KCNQ2: variants seen among roughly 807,000 people sequenced by gnomAD.
KCNQ2 encodes the protein potassium voltage-gated channel subfamily Q member 2, also known as potassium voltage-gated channel subfamily KQT member 2.
KCNQ2 carries 14 observed loss-of-function variants against 84.8 expected under a neutral mutation model. That is an observed-to-expected ratio of 0.17 (90% CI 0.11 to 0.26). The LOEUF is 0.26. Among genes scored for constraint, KCNQ2 ranks in the 10% least tolerant of loss-of-function variants. KCNQ2 has a pLI of 1.00. For synonymous variants in KCNQ2, 599 were observed against 554.1 expected (o/e 1.08, Z -1.14); for missense variants, 788 against 1,254.0 (o/e 0.63, Z 5.61).
rs1168170369 is a variant in KCNQ2 at position 63,402,018 on chromosome 20, A to G, written c.*4626T>C. 1 of 147,538 alleles carries G rather than the reference A, an allele frequency of 6.8e-6. No individual in the cohort carries two copies. Among genetic ancestry groups the G allele is most frequent in the Non-Finnish European group, 1.4e-5 (1 of 73,930 alleles). 9.1% of individuals were successfully genotyped at this position (147,538 alleles called of 1,614,324 possible). A position where few individuals can be genotyped will look rare whatever the true frequency, so the allele number is the denominator to read the frequency against. On this transcript the variant is annotated 3_prime_UTR_variant, in exon 17 of 17. Coordinates refer to ENST00000359125, the MANE Select transcript of KCNQ2 (RefSeq NM_172107.4). ...CCACCACATCTGCCGGGCACCCTCCATGGCAGGTCCAAGCCCTGTGAACCA... is the reference window on the plus strand; with the variant it reads ...CCACCACATCTGCCGGGCACCCTCCGTGGCAGGTCCAAGCCCTGTGAACCA...
At chr20:63,467,349 G>A (rs2082107547) in intron 1 of KCNQ2, among the ~76,000 whole-genome samples, 1 of 152,198 alleles carries the variant, frequency 6.6e-6, no homozygotes, top group African/African-American at 2.4e-5. Context: ...TTCAGGCCCA[G>A]CTCCTCTACG....
In KCNQ2 at chr20:63,407,586, A is replaced by T. The variant is rs1427257858; in HGVS notation, c.1888-211T>A. Among the ~76,000 whole-genome samples the T allele has an allele frequency of 2.0e-5, 3 of 150,242 alleles. No homozygotes were observed. Among genetic ancestry groups the T allele is most frequent in the Non-Finnish European group, 3.0e-5 (2 of 67,502 alleles). On this transcript the variant is annotated intron_variant, in intron 16 of 16. Transcript: ENST00000359125. The surrounding 1 kb of genome is among the most constrained non-coding windows in gnomAD (Gnocchi z 7.2). ...AAATGGGGGGGCCCAGGCTGGTTCC[A>T]GGAAACAGGAGAGACCCAGGCTAGT...
At chr20:63,456,460 T>C (rs538915033) in intron 1 of KCNQ2, among the ~76,000 whole-genome samples, 1 of 152,170 alleles carries the variant, frequency 6.6e-6, no homozygotes, top group Middle Eastern at 3.4e-3. Flanking sequence ...CATCTCATCT[T>C]GCGTATTTAG....
At chr20:63,440,167 C>G (rs994923928) in intron 5 of KCNQ2, among the ~76,000 whole-genome samples, 1 of 151,988 alleles carries the variant, frequency 6.6e-6, no homozygotes, top group East Asian at 1.9e-4. Context: ...CCACAAGAGG[C>G]GGGGGAGTGG....
chr20:63,458,413 C>T (rs1283194371), intron 1 of KCNQ2, among the ~76,000 whole-genome samples: 2 of 152,180 alleles, frequency 1.3e-5, no homozygotes, highest in East Asian at 3.9e-4. Context: ...CGGCAAACGC[C>T]GTCCCTGCCC....
chr20:63,460,994 G>C lies in KCNQ2; in HGVS notation c.296+11174C>G, dbSNP rs964655250. ...TATGCCGTTAACACCACAGCGGGAC[G>C]GGACCGCCTGAATCCTATTCTGTTT... is the stretch of plus-strand genomic sequence containing the variant. On this transcript the variant is annotated intron_variant, in intron 1 of 16. Coordinates refer to ENST00000359125, the MANE Select transcript of KCNQ2 (RefSeq NM_172107.4). The surrounding 1 kb of genome is among the most constrained non-coding windows in gnomAD (Gnocchi z 5.4). 2 of 152,224 alleles carry C rather than the reference G, an allele frequency of 1.3e-5. No homozygotes were observed. The highest frequency in any genetic ancestry group is 2.9e-5 in the Non-Finnish European group (2 of 68,038). The allele number at this position is 152,224 out of a possible 1,614,324, so 9.4% of individuals were successfully genotyped here. A position where few individuals can be genotyped will look rare whatever the true frequency, so the allele number is the denominator to read the frequency against.
chr20:63,408,500 C>G lies in KCNQ2; in HGVS notation c.1800G>C (p.Thr600=), dbSNP rs587780368. The G allele has an allele frequency of 3.1e-6, 5 of 1,609,440 alleles. No individual in the cohort carries two copies. The highest frequency in any genetic ancestry group is 1.1e-5 in the South Asian group (1 of 90,440). The change falls in exon 16 of 17, where the codon ACG becomes ACC. Residue 600 remains threonine, a synonymous_variant. Transcript: ENST00000359125. The surrounding 1 kb of genome is among the most constrained non-coding windows in gnomAD (Gnocchi z 5.0). ...DQIVGRGPAI[T]DKDRTKGPAE... ...CCGGGCCCTTGGTGCGGTCCTTGTCCGTGATCGCTGGGCCCCGCCCCACGA... is the reference window on the plus strand; with the variant it reads ...CCGGGCCCTTGGTGCGGTCCTTGTCGGTGATCGCTGGGCCCCGCCCCACGA...
chr20:63,413,862 A>G (rs1249361757), intron 14 of KCNQ2, among the ~76,000 whole-genome samples: 1 of 152,266 alleles, frequency 6.6e-6, no homozygotes, highest in Non-Finnish European at 1.5e-5. Flanking sequence ...GCCCGGCCTC[A>G]GGCCTCTTGC....
rs755707229 is a variant in KCNQ2 at position 63,430,182 on chromosome 20, G to A, written c.1148+1158C>T. 2.2e-4 allele frequency among the ~76,000 whole-genome samples: 33 copies of A among 152,132 alleles called. 2 individuals carry two copies. Among genetic ancestry groups the A allele is most frequent in the Non-Finnish European group, 3.2e-4 (22 of 68,004 alleles). ...GCAGCGCCAGGGCAGACAGGCGGGC[G>A]GCAGGGCCAGGGCAGGACGGAGCTG... On this transcript the variant is annotated intron_variant, in intron 9 of 16. Transcript: ENST00000359125.
chr20:63,431,687 C>T (rs1040091067), intron 8 of KCNQ2, among the ~76,000 whole-genome samples: 6 of 152,210 alleles, frequency 3.9e-5, no homozygotes, highest in Admixed American at 6.5e-5. Flanking sequence ...CATCGAGGAC[C>T]GCCAAGGGCT....
intron 15 of KCNQ2, 23 bp downstream of exon 15, chr20:63,413,427 G>A: frequency 1.2e-6 from 2 of 1,612,864 alleles, no homozygotes; most frequent in Non-Finnish European, 1.7e-6. Flanking sequence ...GTCCCCTGCT[G>A]GACAGGCAGG....
In KCNQ2 at chr20:63,408,292, G is replaced by A; in HGVS notation, c.1887+121C>T. On this transcript the variant is annotated intron_variant, in intron 16 of 16. Transcript: ENST00000359125. This position sits in a 1 kb window ranked among gnomAD's most constrained non-coding sequence, Gnocchi z 5.0. Reference sequence around the variant, plus strand: ...CAGCTGTCAGTGGTGACAGGGCCATGTAAACCCTAGACTTGAGGAGCCCTC... The same window carrying A: ...CAGCTGTCAGTGGTGACAGGGCCATATAAACCCTAGACTTGAGGAGCCCTC... The A allele has an allele frequency of 7.8e-6, 10 of 1,281,524 alleles. No individual in the cohort carries two copies. Among genetic ancestry groups the A allele is most frequent in the Non-Finnish European group, 1.1e-5 (10 of 918,930 alleles). 79.4% of individuals were successfully genotyped at this position (1,281,524 alleles called of 1,614,324 possible). A position where few individuals can be genotyped will look rare whatever the true frequency, so the allele number is the denominator to read the frequency against.
chr20:63,411,887 C>T, intron 15 of KCNQ2: 1 of 713,826 alleles, frequency 1.4e-6, no homozygotes, highest in South Asian at 1.5e-5. Context: ...TCTATCCTGG[C>T]AGAGTAAACA....
Position 63,414,709 on chromosome 20 carries a change from G to T in KCNQ2, c.1525+194C>A, listed in dbSNP as rs1472242880. ...CAACTCCACCGTGAGCGTGCTACAT[G>T]CCACTGAATTCCTACACTTTTAAAT... On this transcript the variant is annotated intron_variant, in intron 13 of 16. Coordinates refer to ENST00000359125, the MANE Select transcript of KCNQ2 (RefSeq NM_172107.4). The surrounding 1 kb of genome is among the most constrained non-coding windows in gnomAD (Gnocchi z 6.6). Among the ~76,000 whole-genome samples, 1 of 151,552 alleles carries T rather than the reference G, an allele frequency of 6.6e-6. No homozygotes were observed. The highest frequency in any genetic ancestry group is 1.5e-5 in the Non-Finnish European group (1 of 67,966).
chr20:63,450,057 C>T (rs1282520655), intron 1 of KCNQ2, among the ~76,000 whole-genome samples: 4 of 151,712 alleles, frequency 2.6e-5, no homozygotes. Flanking sequence ...GAGCTCACTG[C>T]CTCTGCCCCT....
intron 9 of KCNQ2, among the ~76,000 whole-genome samples, chr20:63,429,551 C>T (rs1036954433): frequency 6.6e-6 from 1 of 152,122 alleles, no homozygotes; most frequent in South Asian, 2.1e-4. Context: ...GGGCCGTGGC[C>T]CACATCCTCC....
At position 63,413,500 on chromosome 20, in the gene KCNQ2, G is replaced by A. The variant is rs1177075929; in HGVS notation, c.1713C>T (p.Tyr571=). The A allele has an allele frequency of 6.2e-7, 1 of 1,613,512 alleles. No homozygotes were observed. Among genetic ancestry groups the A allele is most frequent in the Admixed American group, 1.7e-5 (1 of 60,028 alleles). Residue 571 remains tyrosine, a synonymous_variant, in exon 15 of 17, where the codon TAC becomes TAT. Transcript: ENST00000359125. ...ACAGCATGTCCAGGTGGCCGGCTGA[G>A]TACTGCTCGATGACGTCCATCACGT... ...PYDVMDVIEQ[Y]SAGHLDMLSR...
chr20:63,462,668 C>T (rs1277080206), intron 1 of KCNQ2, among the ~76,000 whole-genome samples: 2 of 152,244 alleles, frequency 1.3e-5, no homozygotes, highest in East Asian at 3.8e-4. Context: ...TCTAGGAATT[C>T]ATCCTGCCGA....
At chr20:63,442,757 A>C (rs2081223523) in intron 4 of KCNQ2, among the ~76,000 whole-genome samples, 1 of 95,006 alleles carries the variant, frequency 1.1e-5, no homozygotes, top group Non-Finnish European at 2.1e-5. Context: ...CACCATCACC[A>C]TCACCACCAT....
Sources: gnomAD v4.1 joint callset for allele counts (sites outside exome capture counted in the v4.1 genomes callset) on GRCh38, gnomAD v4.1.1 for gene constraint, Gnocchi (gnomAD v3.1) non-coding constraint, MANE v1.5 for transcripts, NCBI Gene and HGNC (gene_info 2026-07-23, HGNC 2026-07-21) for gene names.